KCNH8: variants seen among roughly 807,000 people sequenced by gnomAD.
KCNH8 encodes voltage-gated delayed rectifier potassium channel KCNH8.
KCNH8 carries 70 observed loss-of-function variants against 103.6 expected under a neutral mutation model. That is an observed-to-expected ratio of 0.68 (90% confidence interval 0.56 to 0.82). The LOEUF is 0.82. Ranked by LOEUF, KCNH8 falls within the 40% of genes least tolerant of loss-of-function variation. The probability of loss-of-function intolerance (pLI) is 0.00; values close to 1 mark genes in which losing one functional copy is unlikely to be tolerated. For synonymous variants in KCNH8, 498 were observed against 489.4 expected, an observed-to-expected ratio of 1.02 and a Z score of -0.23; for missense variants, 1,217 against 1,329.9, an observed-to-expected ratio of 0.92 and a Z score of 1.32.
intron 7 of KCNH8, among the ~76,000 whole-genome samples, chr3:19,420,379 G>A (rs1370989430): frequency 6.6e-6 from 1 of 152,150 alleles, no homozygotes; most frequent in African/African-American, 2.4e-5. Flanking sequence ...GGGATTAAAG[G>A]CTTATTTTTA....
chr3:19,512,741 CAG>C lies in KCNH8; in HGVS notation c.2080-228_2080-227del, dbSNP rs372999577. On this transcript the variant is annotated intron_variant, in intron 12 of 15. Transcript: ENST00000328405. Reference sequence around the variant, plus strand: ...AAAAGACCAAGAGAAAGGTTAAAATCAGGGGCTAAAAATCAAGAAAGCATAGA... The same window carrying C: ...AAAAGACCAAGAGAAAGGTTAAAATCGGGCTAAAAATCAAGAAAGCATAGA... Among the ~76,000 whole-genome samples the C allele has an allele frequency of 9.7e-4, 148 of 152,158 alleles. 1 individual carries two copies. The highest frequency in any genetic ancestry group is 3.4e-3 in the African/African-American group (140 of 41,506).
At chr3:19,386,859 G>A (rs1377897180) in intron 5 of KCNH8, among the ~76,000 whole-genome samples, 5 of 152,034 alleles carry the variant, frequency 3.3e-5, no homozygotes, top group Non-Finnish European at 1.5e-5. Context: ...AGGGGGAGGA[G>A]CAGCTACATT....
intron 4 of KCNH8, 67 bp downstream of exon 4, chr3:19,342,781 A>G: frequency 1.4e-6 from 2 of 1,471,026 alleles, no homozygotes; most frequent in Non-Finnish European, 1.8e-6. Context: ...GACTCGCTAA[A>G]GAAAGGCCTC....
intron 1 of KCNH8, among the ~76,000 whole-genome samples, chr3:19,222,088 A>T (rs1156510815): frequency 1.3e-5 from 2 of 152,230 alleles, no homozygotes; most frequent in East Asian, 3.9e-4. Context: ...TGACCCCGTG[A>T]TCCTCCCGCC....
intron 5 of KCNH8, among the ~76,000 whole-genome samples, chr3:19,390,137 T>C (rs1309329164): frequency 6.6e-6 from 1 of 152,128 alleles, no homozygotes; most frequent in Non-Finnish European, 1.5e-5. Context: ...GTGATGACTA[T>C]TGTTGCTATT....
intron 11 of KCNH8, among the ~76,000 whole-genome samples, 176 bp downstream of exon 11, chr3:19,457,158 T>C (rs1400593434): frequency 6.6e-6 from 1 of 152,010 alleles, no homozygotes; most frequent in South Asian, 2.1e-4. Context: ...AACCTAGAGT[T>C]TGTTATTAAC....
chr3:19,173,035 T>C (rs963071197), intron 1 of KCNH8, among the ~76,000 whole-genome samples: 26 of 152,190 alleles, frequency 1.7e-4, no homozygotes, highest in African/African-American at 6.0e-4. Flanking sequence ...GGTATGGAGA[T>C]TCATTTCATT....
At chr3:19,467,006 C>T (rs1476619329) in intron 11 of KCNH8, among the ~76,000 whole-genome samples, 1 of 151,536 alleles carries the variant, frequency 6.6e-6, no homozygotes, top group Non-Finnish European at 1.5e-5. Context: ...TTTAGACATA[C>T]ATAAGTCTAT....
chr3:19,437,474 A>G (rs2067216911), intron 7 of KCNH8, among the ~76,000 whole-genome samples: 1 of 152,176 alleles, frequency 6.6e-6, no homozygotes. Flanking sequence ...TGACACATAT[A>G]TACATAGTAT....
intron 11 of KCNH8, 40 bp from the exon 12 acceptor site, chr3:19,510,323 G>C: frequency 5.5e-6 from 7 of 1,273,382 alleles, no homozygotes; most frequent in Non-Finnish European, 8.0e-6. Flanking sequence ...CAAACCACCA[G>C]GATATGTAAA....
At chr3:19,355,408 A>T (rs1211496597) in intron 5 of KCNH8, among the ~76,000 whole-genome samples, 4 of 152,216 alleles carry the variant, frequency 2.6e-5, no homozygotes, top group Admixed American at 6.6e-5. Context: ...ATTATAAATC[A>T]TGCTGCTATA....
intron 15 of KCNH8, among the ~76,000 whole-genome samples, chr3:19,519,070 A>G (rs2068926476): frequency 6.6e-6 from 1 of 151,962 alleles, no homozygotes; most frequent in African/African-American, 2.4e-5. Flanking sequence ...CCTCTGAGAG[A>G]CTATGTAGGA....
intron 7 of KCNH8, among the ~76,000 whole-genome samples, chr3:19,416,925 C>A (rs965910736): frequency 1.3e-5 from 2 of 152,008 alleles, no homozygotes; most frequent in African/African-American, 4.8e-5. Context: ...CACCCTTTCA[C>A]TAACCCAGTT....
chr3:19,462,277 A>G (rs1199967067), intron 11 of KCNH8, among the ~76,000 whole-genome samples: 2 of 152,254 alleles, frequency 1.3e-5, no homozygotes, highest in Non-Finnish European at 2.9e-5. Flanking sequence ...AAGTGTTCCT[A>G]TTTCTCCATA....
At chr3:19,169,924 T>C (rs1398679631) in intron 1 of KCNH8, among the ~76,000 whole-genome samples, 1 of 152,176 alleles carries the variant, frequency 6.6e-6, no homozygotes, top group East Asian at 1.9e-4. Flanking sequence ...AAGATTACAT[T>C]CAATACTTTG....
intron 11 of KCNH8, among the ~76,000 whole-genome samples, chr3:19,476,529 T>C (rs2067980238): frequency 1.3e-5 from 2 of 152,114 alleles, no homozygotes; most frequent in South Asian, 2.1e-4. Context: ...GTAGGAGCCA[T>C]TGTACCCTAA....
intron 5 of KCNH8, among the ~76,000 whole-genome samples, chr3:19,365,226 A>G (rs2125112023): frequency 6.6e-6 from 1 of 152,222 alleles, no homozygotes. Flanking sequence ...TGTGCTAATT[A>G]TCTAAACTTT....
intron 1 of KCNH8, among the ~76,000 whole-genome samples, chr3:19,242,444 T>C (rs1218850671): frequency 6.6e-6 from 1 of 152,206 alleles, no homozygotes; most frequent in Non-Finnish European, 1.5e-5. Flanking sequence ...TTGACCTTTA[T>C]GATCCTCTCC....
In KCNH8 at chr3:19,456,969, G is replaced by T; in HGVS notation, c.2027G>T (p.Gly676Val). The change falls in exon 11 of 16, where the codon GGT becomes GTT. Residue 676 changes from glycine (G) to valine (V), a missense_variant. By Grantham distance (109) the Gly-to-Val change is moderately radical (BLOSUM62 -3). Around this residue, in one of 3 missense-constraint regions of KCNH8, gnomAD observed 415 missense variants for 577.4 expected, o/e 0.72. Coordinates refer to ENST00000328405, the MANE Select transcript of KCNH8 (RefSeq NM_144633.3). Reference sequence around the variant, plus strand: ...GACCTCACATACAACCTCCGAGAAGGTCATGAGAGTGATGTAAGTCCCATT... The same window carrying T: ...GACCTCACATACAACCTCCGAGAAGTTCATGAGAGTGATGTAAGTCCCATT... Reference protein sequence around the residue: ...QHDLTYNLREGHESDVISRLS... With the variant: ...QHDLTYNLREVHESDVISRLS... The T allele has an allele frequency of 6.2e-7, 1 of 1,609,736 alleles. No homozygotes were observed. Among genetic ancestry groups the T allele is most frequent in the Non-Finnish European group, 8.5e-7 (1 of 1,176,976 alleles).
Sources: gnomAD v4.1 joint callset for allele counts (sites outside exome capture counted in the v4.1 genomes callset) on GRCh38, gnomAD v4.1.1 for gene constraint, gnomAD v4.1.1 regional missense constraint, MANE v1.5 for transcripts, NCBI Gene and HGNC (gene_info 2026-07-23, HGNC 2026-07-21) for gene names.